The following SEC23A variants were observed in gnomAD, a reference collection of about 807,000 sequenced individuals.
SEC23A encodes the protein protein transport protein Sec23A.
Under a neutral mutation model 103.7 loss-of-function variants are expected in SEC23A, and 56 were observed. The ratio of observed to expected loss-of-function variants is 0.54; its 90% CI spans 0.44 to 0.67. The LOEUF (loss-of-function observed/expected upper bound fraction) is 0.67, where lower values mean the gene tolerates loss of function less well. Among genes scored for constraint, SEC23A ranks in the 30% least tolerant of loss-of-function variants. The pLI is 0.00. For synonymous variants in SEC23A, 281 were observed against 293.0 expected (o/e 0.96, Z 0.42); for missense variants, 784 against 936.4 (o/e 0.84, Z 2.12).
intron 7 of SEC23A, among the ~76,000 whole-genome samples, chr14:39,084,669 TTTTTTG>T (rs1887365701): frequency 6.6e-6 from 1 of 152,126 alleles, no homozygotes; most frequent in Non-Finnish European, 1.5e-5. Flanking sequence ...GTACCTTTTG[TTTTTTG>T]TTTTTGTTTT....
At chr14:39,040,948 A>AT (rs1885617003) in intron 17 of SEC23A, 61 bp from the exon 18 acceptor site, 3 of 1,528,332 alleles carry the variant, frequency 2.0e-6, no homozygotes, top group East Asian at 2.4e-5. Context: ...AAATCTTGAG[A>AT]TTTTTCCAAA....
chr14:39,099,390 C>G (rs898997588), intron 1 of SEC23A, among the ~76,000 whole-genome samples: 2 of 151,976 alleles, frequency 1.3e-5, no homozygotes, highest in African/African-American at 4.8e-5. Flanking sequence ...AATTGTCTGA[C>G]CTCGTGATCC....
chr14:39,067,768 T>C (rs1037189962), intron 9 of SEC23A, among the ~76,000 whole-genome samples: 12 of 147,448 alleles, frequency 8.1e-5, no homozygotes, highest in African/African-American at 3.0e-4. Context: ...CCTCCTGGGC[T>C]CAAGTCATCC....
chr14:39,074,879 A>G (rs1403757192), intron 8 of SEC23A, among the ~76,000 whole-genome samples: 1 of 152,186 alleles, frequency 6.6e-6, no homozygotes, highest in African/African-American at 2.4e-5. Flanking sequence ...AGGCCGAGGC[A>G]GGCAGATCAT....
At chr14:39,038,944 A>T (rs937103478) in intron 19 of SEC23A, 87 bp downstream of exon 19, 66 of 1,159,850 alleles carry the variant, frequency 5.7e-5, no homozygotes, top group Non-Finnish European at 8.4e-5. Flanking sequence ...ATTACTAAAT[A>T]CACAGGAAAA....
rs1885319738 is a variant in SEC23A, at chr14:39,031,925, G to A, written c.*1314C>T. ...ATTTCAAAATAGCCAGAAAAACAGT[G>A]AAAAGTATATTTTATTGGCATTTAG... On this transcript the variant is annotated 3_prime_UTR_variant, in exon 20 of 20. Coordinates refer to ENST00000307712, the MANE Select transcript of SEC23A (RefSeq NM_006364.4). 1 of 152,558 alleles carries A rather than the reference G, an allele frequency of 6.6e-6. No individual in the cohort carries two copies. Among genetic ancestry groups the A allele is most frequent in the Admixed American group, 6.5e-5 (1 of 15,278 alleles). The allele number at this position is 152,558 out of a possible 1,614,324, so 9.5% of individuals were successfully genotyped here.
intron 1 of SEC23A, among the ~76,000 whole-genome samples, chr14:39,099,183 G>A (rs1269261799): frequency 1.5e-5 from 2 of 132,562 alleles, no homozygotes; most frequent in African/African-American, 6.0e-5. Context: ...TTTTTGACAC[G>A]GAGTCTCACT....
chr14:39,089,188 A>G (rs577042924), intron 5 of SEC23A, among the ~76,000 whole-genome samples: 3 of 151,870 alleles, frequency 2.0e-5, no homozygotes, highest in African/African-American at 7.2e-5. Context: ...AAAAAGAAAA[A>G]AAAAGGAAGA....
intron 6 of SEC23A, 38 bp from the exon 7 acceptor site, chr14:39,085,944 G>A: frequency 6.4e-7 from 1 of 1,560,844 alleles, no homozygotes; most frequent in Non-Finnish European, 8.8e-7. Flanking sequence ...ATTTGTAAAT[G>A]TTTATGGGTG....
intron 9 of SEC23A, among the ~76,000 whole-genome samples, chr14:39,070,381 G>A (rs1886804090): frequency 6.6e-6 from 1 of 152,186 alleles, no homozygotes; most frequent in African/African-American, 2.4e-5. Flanking sequence ...AGGTCATTCT[G>A]TGACGACAGT....
chr14:39,042,162 C>T (rs965870281), intron 17 of SEC23A, among the ~76,000 whole-genome samples: 1 of 152,180 alleles, frequency 6.6e-6, no homozygotes, highest in Non-Finnish European at 1.5e-5. Context: ...AAACACTAGA[C>T]TGTAAGTTTG....
intron 13 of SEC23A, among the ~76,000 whole-genome samples, chr14:39,058,033 T>C (rs1043685559): frequency 6.6e-6 from 1 of 152,238 alleles, no homozygotes; most frequent in African/African-American, 2.4e-5. Flanking sequence ...ATAGCAGCAA[T>C]TTATTAAATC....
At chr14:39,056,088 C>T (rs907381923) in intron 13 of SEC23A, among the ~76,000 whole-genome samples, 1 of 152,238 alleles carries the variant, frequency 6.6e-6, no homozygotes, top group Non-Finnish European at 1.5e-5. Context: ...TAATTAACTG[C>T]CTTTGTTCTG....
intron 14 of SEC23A, among the ~76,000 whole-genome samples, chr14:39,052,680 A>G (rs931253398): frequency 1.3e-5 from 2 of 152,254 alleles, no homozygotes; most frequent in African/African-American, 4.8e-5. Context: ...TCTCTAAACA[A>G]TGAAGCATTT....
intron 17 of SEC23A, chr14:39,041,407 A>G (rs1415760971): frequency 1.9e-5 from 2 of 107,938 alleles, no homozygotes; most frequent in African/African-American, 3.1e-5. Flanking sequence ...ACAAAGAAAA[A>G]GCAAAAAAAA....
intron 15 of SEC23A, among the ~76,000 whole-genome samples, chr14:39,047,743 T>C (rs535446641): frequency 6.6e-6 from 1 of 152,314 alleles, no homozygotes; most frequent in East Asian, 1.9e-4. Flanking sequence ...TATGTATATT[T>C]CACATCTCAC....
intron 14 of SEC23A, among the ~76,000 whole-genome samples, chr14:39,049,273 C>T (rs1015007021): frequency 3.3e-5 from 5 of 151,608 alleles, no homozygotes; most frequent in Non-Finnish European, 5.9e-5. Flanking sequence ...GTCAGGAGTT[C>T]GAGACCAGCC....
Position 39,085,714 on chromosome 14 carries a change from ACACACACACACACAC to A in SEC23A, c.828+33_828+47del, listed in dbSNP as rs766012738. 7 of 1,603,518 alleles carry A rather than the reference ACACACACACACACAC, an allele frequency of 4.4e-6. No individual in the cohort carries two copies. The Admixed American group carries it at 1.2e-4, about 27-fold the overall frequency. ...TACACACACACACACACACACACAC[ACACACACACACACAC>A]TTTACATTCCAAAACAAAACCATCT... On this transcript the variant is annotated intron_variant, in intron 7 of 19. Coordinates refer to ENST00000307712, the MANE Select transcript of SEC23A (RefSeq NM_006364.4).
chr14:39,100,851 C>CT (rs942384569), intron 1 of SEC23A, among the ~76,000 whole-genome samples: 14 of 148,688 alleles, frequency 9.4e-5, no homozygotes, highest in East Asian at 6.0e-4. Context: ...ATATTAGTCT[C>CT]TTTTTTTTTT....
Sources: gnomAD v4.1 joint callset for allele counts (sites outside exome capture counted in the v4.1 genomes callset) on GRCh38, gnomAD v4.1.1 for gene constraint, MANE v1.5 for transcripts, NCBI Gene and HGNC (gene_info 2026-07-23, HGNC 2026-07-21) for gene names.